Variants in ACSBG2 observed in about 807,000 individuals in gnomAD.
ACSBG2 encodes acyl-CoA synthetase bubblegum family member 2, also known as long-chain-fatty-acid--CoA ligase ACSBG2.
In ACSBG2, 62 loss-of-function variants were observed where a neutral mutation model predicts 74.7. The ratio of observed to expected loss-of-function variants is 0.83; its 90% confidence interval spans 0.68 to 1.03. The LOEUF (loss-of-function observed/expected upper bound fraction) is 1.03. ACSBG2 is among the 50% of genes least tolerant of loss of function. The probability of loss-of-function intolerance (pLI) is 0.00; values close to 1 mark genes in which losing one functional copy is unlikely to be tolerated. For synonymous variants in ACSBG2, 309 were observed against 294.1 expected, an observed-to-expected ratio of 1.05 and a Z score of -0.52; for missense variants, 730 against 817.6, an observed-to-expected ratio of 0.89 and a Z score of 1.31.
chr19:6,188,415 C>T (rs113013806), intron 13 of ACSBG2, among the ~76,000 whole-genome samples: 5,489 of 152,188 alleles, frequency 0.036, 192 homozygotes, highest in African/African-American at 0.096. Context: ...CTGAGTTGGG[C>T]AGACTGCTTG....
chr19:6,185,354 C>A, intron 10 of ACSBG2, 82 bp from the exon 11 acceptor site: 1 of 1,394,690 alleles, frequency 7.2e-7, no homozygotes, highest in Non-Finnish European at 1.0e-6. Flanking sequence ...GAGTATTAGG[C>A]ACCTAGGCTG....
rs768292877 is a variant in ACSBG2 at position 6,182,710 on chromosome 19, G to C, written c.907-41G>C. On this transcript the variant is annotated intron_variant, in intron 8 of 14. Coordinates refer to ENST00000588485, the MANE Select transcript of ACSBG2 (RefSeq NM_030924.5). ...GGAGAGATGGACATCCCTGGTGCAC[G>C]GAAGGCCCTGCTGTGGCTAACCTAG... is the stretch of plus-strand genomic sequence containing the variant. The C allele has an allele frequency of 1.4e-5, 22 of 1,592,976 alleles. No individual in the cohort carries two copies. The African/African-American group carries it at 2.7e-4, about 19-fold the overall frequency.
At chr19:6,138,643 GA>G (rs2088688364) in intron 1 of ACSBG2, among the ~76,000 whole-genome samples, 1 of 92,720 alleles carries the variant, frequency 1.1e-5, no homozygotes, top group African/African-American at 4.6e-5. Flanking sequence ...GAAAGGAAGG[GA>G]AGGGAAGAAG....
chr19:6,169,441 A>G (rs1397671831), intron 7 of ACSBG2, among the ~76,000 whole-genome samples: 1 of 152,026 alleles, frequency 6.6e-6, no homozygotes, highest in East Asian at 1.9e-4. Context: ...TGTTCCATTG[A>G]TCTCTGTGCC....
At chr19:6,136,282 T>C (rs556401198) in intron 1 of ACSBG2, among the ~76,000 whole-genome samples, 2 of 152,108 alleles carry the variant, frequency 1.3e-5, no homozygotes, top group African/African-American at 4.8e-5. Context: ...TTAGTAGAGA[T>C]GGGGTTTCAC....
At chr19:6,155,922 CA>C (rs55846830) in intron 4 of ACSBG2, among the ~76,000 whole-genome samples, 17,483 of 140,424 alleles carry the variant, frequency 0.12, 1,939 homozygotes, top group African/African-American at 0.31. Context: ...AATAAAAAGG[CA>C]AAAAAAAAAA....
intron 7 of ACSBG2, 133 bp from the exon 8 acceptor site, chr19:6,177,096 G>A (rs1444846239): frequency 1.1e-6 from 1 of 921,968 alleles, no homozygotes; most frequent in Non-Finnish European, 1.6e-6. Context: ...AGGAGTTTGA[G>A]GCTGCAGTGA....
chr19:6,181,240 A>AAAAG (rs58856077), intron 8 of ACSBG2, among the ~76,000 whole-genome samples: 21 of 133,876 alleles, frequency 1.6e-4, no homozygotes, highest in African/African-American at 5.7e-4. Context: ...AAAAAAAAAA[A>AAAAG]GGAAAGGAAA....
intron 8 of ACSBG2, among the ~76,000 whole-genome samples, chr19:6,181,819 C>CCA (rs796108394): frequency 6.6e-5 from 8 of 121,782 alleles, no homozygotes; most frequent in East Asian, 2.9e-4. Context: ...ACCCGCCCCC[C>CCA]CCCCCAACGA....
chr19:6,165,988 C>T lies in ACSBG2; in HGVS notation c.711C>T (p.Pro237=), dbSNP rs112641649. ...LIYTSGTTGI[P]KGVMLSHDNI... is the part of the protein sequence containing the mutation. Reference sequence around the variant, plus strand: ...ACACTTCAGGGACCACAGGCATACCCAAGGGAGTGATGCTCAGTCATGACA... The same window carrying T: ...ACACTTCAGGGACCACAGGCATACCTAAGGGAGTGATGCTCAGTCATGACA... The change falls in exon 7 of 15, where the codon CCC becomes CCT. Residue 237 remains proline, a synonymous_variant. Transcript: ENST00000588485. The T allele has an allele frequency of 3.6e-4, 589 of 1,614,076 alleles. 3 individuals are homozygous for T. The African/African-American group carries it at 6.6e-3, about 18-fold the overall frequency.
At chr19:6,169,922 T>C (rs2089917757) in intron 7 of ACSBG2, among the ~76,000 whole-genome samples, 1 of 152,230 alleles carries the variant, frequency 6.6e-6, no homozygotes, top group African/African-American at 2.4e-5. Flanking sequence ...TTTTTGTACA[T>C]TGATTTTGTA....
At chr19:6,159,603 C>G (rs1300235105) in intron 5 of ACSBG2, among the ~76,000 whole-genome samples, 1 of 152,162 alleles carries the variant, frequency 6.6e-6, no homozygotes, top group Non-Finnish European at 1.5e-5. Flanking sequence ...GATTCAAAAC[C>G]AGGTTCCTGA....
chr19:6,177,204 C>G (rs757604888), intron 7 of ACSBG2, 25 bp from the exon 8 acceptor site: 1 of 1,612,290 alleles, frequency 6.2e-7, no homozygotes, highest in Non-Finnish European at 8.5e-7. Context: ...GGGTGAGGCA[C>G]CTTGGATTGT....
At chr19:6,143,996 AGTTT>A (rs201294597) in intron 2 of ACSBG2, among the ~76,000 whole-genome samples, 3,707 of 151,100 alleles carry the variant, frequency 0.025, 147 homozygotes, top group African/African-American at 0.086. Flanking sequence ...TTTGTTAGTT[AGTTT>A]GTTTGTTTGG....
In ACSBG2 at chr19:6,182,924, G is replaced by T. The variant is rs749827875; in HGVS notation, c.1080G>T (p.Lys360Asn). 5 of 1,614,036 alleles carry T rather than the reference G, an allele frequency of 3.1e-6. No individual in the cohort carries two copies. In the African/African-American group the frequency reaches 4.0e-5, roughly 13 times the overall value. The part of the protein sequence containing the change: ...RNIGFKVNSK[K>N]MLGKYNTPVS... ...TTGGCTTCAAGGTCAACTCAAAAAA[G>T]ATGTTGGGGTAGGTGGAGCATCCAG... Residue 360 changes from lysine (K) to asparagine (N), a missense_variant, in exon 9 of 15, where the codon AAG (lysine) becomes AAT (asparagine). By Grantham distance (94) the Lys-to-Asn change is moderately conservative. Coordinates refer to ENST00000588485, the MANE Select transcript of ACSBG2 (RefSeq NM_030924.5).
At chr19:6,169,310 T>C (rs1394292037) in intron 7 of ACSBG2, among the ~76,000 whole-genome samples, 2 of 152,238 alleles carry the variant, frequency 1.3e-5, no homozygotes, top group Non-Finnish European at 2.9e-5. Flanking sequence ...CTTCTGCACA[T>C]GGCTAGCCAG....
intron 3 of ACSBG2, among the ~76,000 whole-genome samples, 163 bp from the exon 4 acceptor site, chr19:6,151,544 C>G (rs2089239892): frequency 6.6e-6 from 1 of 152,132 alleles, no homozygotes; most frequent in Non-Finnish European, 1.5e-5. Flanking sequence ...CTTCTGGCCT[C>G]AAGCAATTCT....
At position 6,159,496 on chromosome 19, in the gene ACSBG2, T is replaced by C. The variant is rs148455319; in HGVS notation, c.508-1719T>C. 3.4e-3 allele frequency among the ~76,000 whole-genome samples: 525 copies of C among 152,340 alleles called. 2 individuals are homozygous for C. Among genetic ancestry groups the C allele is most frequent in the Admixed American group, 6.3e-3 (96 of 15,300 alleles). On this transcript the variant is annotated intron_variant, in intron 5 of 14. Coordinates refer to ENST00000588485, the MANE Select transcript of ACSBG2 (RefSeq NM_030924.5). ...GTCCTGGTTCTAGCAGGTCCAGCAT[T>C]AAGTGAATAAAGCAATATCTGAATT...
At chr19:6,188,378 C>T (rs2090464924) in intron 13 of ACSBG2, among the ~76,000 whole-genome samples, 3 of 152,172 alleles carry the variant, frequency 2.0e-5, no homozygotes, top group Admixed American at 1.3e-4. Flanking sequence ...CAGTGGCTCA[C>T]GCCTGTAATC....
Sources: gnomAD v4.1 joint callset for allele counts (sites outside exome capture counted in the v4.1 genomes callset) on GRCh38, gnomAD v4.1.1 for gene constraint, MANE v1.5 for transcripts, NCBI Gene and HGNC (gene_info 2026-07-23, HGNC 2026-07-21) for gene names.